Variants in NFAT5 observed in about 807,000 individuals in gnomAD.
NFAT5 encodes the protein nuclear factor of activated T-cells 5.
NFAT5 carries 31 observed loss-of-function variants against 166.5 expected under a neutral mutation model. The ratio of observed to expected loss-of-function variants is 0.19; its 90% CI spans 0.14 to 0.25. The LOEUF (loss-of-function observed/expected upper bound fraction) is 0.25, where lower values mean the gene tolerates loss of function less well. Ranked by LOEUF, NFAT5 falls within the 10% of genes least tolerant of loss-of-function variation. The pLI is 1.00. For missense variants in NFAT5, 1,449 were observed against 1,821.8 expected (o/e 0.80, Z 3.72); for synonymous variants, 612 against 639.7 (o/e 0.96, Z 0.65).
chr16:69,592,080 CTT>C (rs3037496), intron 2 of NFAT5, among the ~76,000 whole-genome samples: 38 of 118,100 alleles, frequency 3.2e-4, no homozygotes, highest in African/African-American at 5.5e-4. Flanking sequence ...ATTACTTTTT[CTT>C]TTTTTTTTTT....
chr16:69,691,490 T>G (rs1276765798), intron 12 of NFAT5, among the ~76,000 whole-genome samples: 1 of 152,226 alleles, frequency 6.6e-6, no homozygotes. Flanking sequence ...TTAATTCACC[T>G]AAGCATATCA....
chr16:69,663,411 ATTATT>A (rs1158486120), intron 7 of NFAT5, among the ~76,000 whole-genome samples: 4 of 152,000 alleles, frequency 2.6e-5, no homozygotes, highest in Non-Finnish European at 5.9e-5. Context: ...GTATGTTTAT[ATTATT>A]TTGTTATGTT....
At chr16:69,609,012 T>C (rs1013226446) in intron 2 of NFAT5, among the ~76,000 whole-genome samples, 3 of 150,626 alleles carry the variant, frequency 2.0e-5, no homozygotes, top group Non-Finnish European at 3.0e-5. Context: ...TCGCAGCTAC[T>C]CGGGAGGCTG....
At chr16:69,575,170 T>C (rs898506321) in intron 2 of NFAT5, among the ~76,000 whole-genome samples, 5 of 152,108 alleles carry the variant, frequency 3.3e-5, no homozygotes, top group African/African-American at 1.2e-4. Flanking sequence ...TATGCTTATT[T>C]ATTTATTTAT....
chr16:69,646,304 T>A (rs1178186652), intron 3 of NFAT5, among the ~76,000 whole-genome samples: 1 of 152,214 alleles, frequency 6.6e-6, no homozygotes, highest in African/African-American at 2.4e-5. Flanking sequence ...ACCCAATGAT[T>A]AACTTGCTTC....
Position 69,624,714 on chromosome 16 carries a change from C to G in NFAT5, c.128-1689C>G, listed in dbSNP as rs868510145. Among the ~76,000 whole-genome samples, 32 of 152,122 alleles carry G rather than the reference C, an allele frequency of 2.1e-4. No homozygotes were observed. In the Middle Eastern group the frequency reaches 0.024, roughly 113 times the overall value. ...GTAAGCAGTTAACTAGAAATATTGT[C>G]TCTTACCATGGATAAAATGTCTTAT... On this transcript the variant is annotated intron_variant, in intron 2 of 14. Coordinates refer to ENST00000349945, the MANE Select transcript of NFAT5 (RefSeq NM_138713.4).
At chr16:69,577,844 G>T (rs1435695147) in intron 2 of NFAT5, among the ~76,000 whole-genome samples, 1 of 151,884 alleles carries the variant, frequency 6.6e-6, no homozygotes, top group Non-Finnish European at 1.5e-5. Context: ...AGAAGAAACA[G>T]TATTAATGTA....
chr16:69,614,894 T>TTTG (rs2033868795), intron 2 of NFAT5, among the ~76,000 whole-genome samples: 3 of 150,360 alleles, frequency 2.0e-5, no homozygotes, highest in African/African-American at 7.3e-5. Context: ...TTTTTTTTTT[T>TTTG]GAGACAGAAT....
intron 3 of NFAT5, among the ~76,000 whole-genome samples, chr16:69,630,252 G>A (rs1048209470): frequency 3.9e-5 from 6 of 152,042 alleles, no homozygotes; most frequent in Non-Finnish European, 8.8e-5. Context: ...GGTCTCGAAC[G>A]AACTCCTGGG....
At chr16:69,587,944 CT>C (rs61460423) in intron 2 of NFAT5, among the ~76,000 whole-genome samples, 886 of 68,240 alleles carry the variant, frequency 0.013, 3 homozygotes, top group African/African-American at 0.033. Context: ...ATAGTGCTTT[CT>C]TTTTTTTTTT....
chr16:69,630,746 G>C (rs188111728), intron 3 of NFAT5, among the ~76,000 whole-genome samples: 15 of 152,208 alleles, frequency 9.9e-5, no homozygotes, highest in Admixed American at 7.8e-4. Context: ...CTATAGTATA[G>C]TTATACAGAA....
At chr16:69,601,674 A>T (rs996427093) in intron 2 of NFAT5, among the ~76,000 whole-genome samples, 19 of 152,202 alleles carry the variant, frequency 1.2e-4, no homozygotes, top group African/African-American at 4.6e-4. Flanking sequence ...ATGCCAATCA[A>T]TGTGGTTTAA....
chr16:69,600,150 GA>G (rs35475393), intron 2 of NFAT5, among the ~76,000 whole-genome samples: 34,090 of 141,690 alleles, frequency 0.24, 4,064 homozygotes, highest in East Asian at 0.45. Context: ...ATTTCTCTGG[GA>G]AAAAAAAAAA....
intron 9 of NFAT5, among the ~76,000 whole-genome samples, chr16:69,675,593 G>A (rs1009825201): frequency 2.0e-5 from 3 of 152,092 alleles, no homozygotes; most frequent in African/African-American, 7.2e-5. Flanking sequence ...GCCAACTTAG[G>A]AGGCATTCTG....
At chr16:69,645,116 A>G (rs2035382634) in intron 3 of NFAT5, among the ~76,000 whole-genome samples, 1 of 152,228 alleles carries the variant, frequency 6.6e-6, no homozygotes, top group South Asian at 2.1e-4. Context: ...AAGACAAGGA[A>G]AAAAATTATA....
intron 2 of NFAT5, among the ~76,000 whole-genome samples, chr16:69,625,064 T>C (rs946866942): frequency 1.3e-5 from 2 of 152,014 alleles, no homozygotes. Flanking sequence ...CATGCCCAGC[T>C]AATTTTTTGT....
intron 10 of NFAT5, among the ~76,000 whole-genome samples, chr16:69,683,447 C>T (rs2037155567): frequency 6.6e-6 from 1 of 151,960 alleles, no homozygotes; most frequent in Non-Finnish European, 1.5e-5. Flanking sequence ...TGGGTGATGG[C>T]TTGAGCTTGG....
intron 11 of NFAT5, among the ~76,000 whole-genome samples, chr16:69,689,717 G>GTA (rs2037473701): frequency 6.6e-6 from 1 of 152,072 alleles, no homozygotes; most frequent in South Asian, 2.1e-4. Flanking sequence ...GCTAATTTTT[G>GTA]TATTTTTAGT....
At chr16:69,665,626 C>G (rs1025276590) in intron 7 of NFAT5, among the ~76,000 whole-genome samples, 1 of 96,084 alleles carries the variant, frequency 1.0e-5, no homozygotes, top group Non-Finnish European at 2.0e-5. Flanking sequence ...TGTGAAGGAC[C>G]TCTTCAAGGA....
Sources: allele counts gnomAD v4.1 joint callset (sites outside exome capture counted in the v4.1 genomes callset), GRCh38; gene constraint gnomAD v4.1.1; transcripts MANE v1.5; gene names NCBI Gene and HGNC (gene_info 2026-07-23, HGNC 2026-07-21).